The following ADARB1 variants were observed in gnomAD, a reference collection of about 807,000 sequenced individuals.
ADARB1 encodes double-stranded RNA-specific editase 1.
In ADARB1, 10 loss-of-function variants were observed where a neutral mutation model predicts 52.4. That is an observed-to-expected ratio of 0.19 (90% CI 0.12 to 0.32). The LOEUF (loss-of-function observed/expected upper bound fraction) is 0.32. Ranked by LOEUF, ADARB1 falls within the 10% of genes least tolerant of loss-of-function variation. The pLI, the probability that ADARB1 is intolerant of heterozygous loss-of-function variation, is 1.00. For synonymous variants in ADARB1, 349 were observed against 371.1 expected, an observed-to-expected ratio of 0.94 and a Z score of 0.68; for missense variants, 643 against 922.3, an observed-to-expected ratio of 0.70 and a Z score of 3.92.
chr21:45,124,279 C>T (rs1386852913), intron 1 of ADARB1, among the ~76,000 whole-genome samples: 2 of 152,142 alleles, frequency 1.3e-5, no homozygotes, highest in Admixed American at 6.5e-5. Flanking sequence ...CTAGAGAAGC[C>T]ATCTAGTCAT....
At position 45,128,724 on chromosome 21, in the gene ADARB1, ATTTC is replaced by A. The variant is rs2088746491; in HGVS notation, c.-48+153_-48+156del. Among the ~76,000 whole-genome samples, 2 of 152,254 alleles carry A rather than the reference ATTTC, an allele frequency of 1.3e-5. No homozygotes were observed. The highest frequency in any genetic ancestry group is 4.1e-4 in the South Asian group (2 of 4,828). ...ACAGATGATCTGTTACTGTTGGTTG[ATTTC>A]TAATCTTACTGCAGCCTTAGCTCAC... is the stretch of plus-strand genomic sequence containing the variant. On this transcript the variant is annotated intron_variant, in intron 2 of 10. Coordinates refer to ENST00000348831, the MANE Select transcript of ADARB1 (RefSeq NM_001112.4). The surrounding 1 kb of genome is among the most constrained non-coding windows in gnomAD (Gnocchi z 4.6).
intron 1 of ADARB1, among the ~76,000 whole-genome samples, chr21:45,102,587 A>G (rs2087068813): frequency 6.6e-6 from 1 of 152,220 alleles, no homozygotes; most frequent in Non-Finnish European, 1.5e-5. Flanking sequence ...CCACACCCAC[A>G]TCAATGGGTG....
intron 1 of ADARB1, among the ~76,000 whole-genome samples, chr21:45,121,795 C>A (rs1031065919): frequency 1.3e-5 from 2 of 152,180 alleles, no homozygotes; most frequent in African/African-American, 4.8e-5. Context: ...TCTTAGTTTA[C>A]CTGTTTACTA....
Position 45,221,572 on chromosome 21 carries a change from C to T in ADARB1, c.1927-446C>T, listed in dbSNP as rs1005839757. ...AGGTATAGCCAGAAGGGACAGTGCC[C>T]GGGAGGGTCCTGTTCACCAGGGGCA... On this transcript the variant is annotated intron_variant, in intron 10 of 10. Transcript: ENST00000348831. This position sits in a 1 kb window ranked among gnomAD's most constrained non-coding sequence, Gnocchi z 4.9. Among the ~76,000 whole-genome samples, 8 of 152,120 alleles carry T rather than the reference C, an allele frequency of 5.3e-5. 1 individual carries two copies. In the East Asian group the frequency reaches 5.8e-4, roughly 11 times the overall value.
chr21:45,187,274 G>A (rs1195472554), intron 8 of ADARB1, among the ~76,000 whole-genome samples: 1 of 151,844 alleles, frequency 6.6e-6, no homozygotes, highest in African/African-American at 2.4e-5. Context: ...ATTCTTTTTT[G>A]TGCTATTGAA....
In ADARB1 at chr21:45,126,619, C is replaced by G. The variant is rs566043560; in HGVS notation, c.-219-1783C>G. On this transcript the variant is annotated intron_variant, in intron 1 of 10. Coordinates refer to ENST00000348831, the MANE Select transcript of ADARB1 (RefSeq NM_001112.4). ...AGGGGCTGAGTCACTGTTCAAGTCACACGACTGCAAGGCTGAGGTCTAGGG... is the reference window on the plus strand; with the variant it reads ...AGGGGCTGAGTCACTGTTCAAGTCAGACGACTGCAAGGCTGAGGTCTAGGG... Among the ~76,000 whole-genome samples the G allele has an allele frequency of 2.6e-5, 4 of 152,330 alleles. No individual in the cohort carries two copies. The East Asian group carries it at 7.7e-4, about 29-fold the overall frequency.
chr21:45,097,825 GGA>G (rs1440652804), intron 1 of ADARB1, among the ~76,000 whole-genome samples: 1 of 152,164 alleles, frequency 6.6e-6, no homozygotes, highest in Non-Finnish European at 1.5e-5. Context: ...TAAAGGAAAA[GGA>G]GAGTGCCTTT....
chr21:45,104,571 A>G (rs1316143055), intron 1 of ADARB1, among the ~76,000 whole-genome samples: 1 of 152,198 alleles, frequency 6.6e-6, no homozygotes, highest in Non-Finnish European at 1.5e-5. Context: ...TCAAAGGTTG[A>G]GATGAAACTC....
Position 45,222,033 on chromosome 21 carries a change from C to T in ADARB1, c.1942C>T (p.Leu648=), listed in dbSNP as rs982006908. The T allele has an allele frequency of 1.9e-6, 3 of 1,613,774 alleles. No homozygotes were observed. The highest frequency in any genetic ancestry group is 2.5e-6 in the Non-Finnish European group (3 of 1,179,960). The change falls in exon 11 of 11, where the codon CTA becomes TTA. Residue 648 remains leucine (L), a synonymous_variant. Transcript: ENST00000348831. ...RVHGKVPSHL[L]RSKITKPNVY... ...CCCTTCACAGGTTCCCTCCCACTTACTACGCTCCAAGATTACCAAGCCCAA... is the reference window on the plus strand; with the variant it reads ...CCCTTCACAGGTTCCCTCCCACTTATTACGCTCCAAGATTACCAAGCCCAA...
intron 9 of ADARB1, among the ~76,000 whole-genome samples, chr21:45,219,421 G>A (rs539490402): frequency 7.7e-4 from 118 of 152,328 alleles, no homozygotes; most frequent in Middle Eastern, 3.4e-3. Context: ...GTACTTGGGA[G>A]GCAGAGGCAG....
At chr21:45,219,980 C>T (rs2092932822) in intron 9 of ADARB1, among the ~76,000 whole-genome samples, 1 of 136,272 alleles carries the variant, frequency 7.3e-6, no homozygotes, top group Non-Finnish European at 1.5e-5. Context: ...CCTTCTGCCT[C>T]TTGGTAGCCT....
chr21:45,119,445 GTTCTT>G (rs2088023290), intron 1 of ADARB1, among the ~76,000 whole-genome samples: 1 of 152,170 alleles, frequency 6.6e-6, no homozygotes, highest in Non-Finnish European at 1.5e-5. Flanking sequence ...ACCAGTAGCT[GTTCTT>G]GCTCTCCAGT....
intron 9 of ADARB1, among the ~76,000 whole-genome samples, chr21:45,214,210 G>A (rs1322351773): frequency 6.6e-6 from 1 of 152,048 alleles, no homozygotes; most frequent in African/African-American, 2.4e-5. Flanking sequence ...CAAAACTTAT[G>A]CACATTTTTA....
chr21:45,212,060 T>G (rs1353271045), intron 9 of ADARB1, among the ~76,000 whole-genome samples: 2 of 152,244 alleles, frequency 1.3e-5, no homozygotes, highest in Non-Finnish European at 2.9e-5. Context: ...ATCTTATATT[T>G]TTTGTTAATC....
rs2093040846 is a variant in ADARB1, at chr21:45,225,088, G to A, written c.*2891G>A. ...GGCTTCTGTTGTTTTGTTTTGTTTTGTTTTGTTAACTAAACCTGAAGTATT... is the reference window on the plus strand; with the variant it reads ...GGCTTCTGTTGTTTTGTTTTGTTTTATTTTGTTAACTAAACCTGAAGTATT... On this transcript the variant is annotated 3_prime_UTR_variant, in exon 11 of 11. Transcript: ENST00000348831. 4 of 988,896 alleles carry A rather than the reference G, an allele frequency of 4.0e-6. No homozygotes were observed. The East Asian group carries it at 4.4e-4, about 110-fold the overall frequency. The allele number at this position is 988,896 out of a possible 1,614,324, so 61.3% of individuals were successfully genotyped here.
At chr21:45,170,077 T>C (rs2091418648) in intron 2 of ADARB1, among the ~76,000 whole-genome samples, 1 of 152,180 alleles carries the variant, frequency 6.6e-6, no homozygotes, top group Non-Finnish European at 1.5e-5. Flanking sequence ...TATACAAATA[T>C]ACAATTGTAT....
At chr21:45,121,471 C>G (rs547422873) in intron 1 of ADARB1, among the ~76,000 whole-genome samples, 84 of 152,300 alleles carry the variant, frequency 5.5e-4, no homozygotes, top group Middle Eastern at 3.4e-3. Flanking sequence ...CTGACTGTCC[C>G]CCTGTGCTCC....
In ADARB1 at chr21:45,115,109, A is replaced by G. The variant is rs2087758655; in HGVS notation, c.-219-13293A>G. Among the ~76,000 whole-genome samples, 3 of 152,080 alleles carry G rather than the reference A, an allele frequency of 2.0e-5. 1 individual carries two copies. In the South Asian group the frequency reaches 6.2e-4, roughly 32 times the overall value. On this transcript the variant is annotated intron_variant, in intron 1 of 10. Coordinates refer to ENST00000348831, the MANE Select transcript of ADARB1 (RefSeq NM_001112.4). Reference sequence around the variant, plus strand: ...TGTTAAGGGCCCAGGGAAGATTTTAAGGCGACCAAACTTCCAGTGACAAAC... The same window carrying G: ...TGTTAAGGGCCCAGGGAAGATTTTAGGGCGACCAAACTTCCAGTGACAAAC...
intron 1 of ADARB1, among the ~76,000 whole-genome samples, chr21:45,088,335 A>G (rs1047149737): frequency 6.6e-6 from 1 of 152,204 alleles, no homozygotes. Flanking sequence ...GAAGTGGCCA[A>G]AATGGATGGG....
Sources: gnomAD v4.1 joint callset for allele counts (sites outside exome capture counted in the v4.1 genomes callset) on GRCh38, gnomAD v4.1.1 for gene constraint, Gnocchi (gnomAD v3.1) non-coding constraint, MANE v1.5 for transcripts, NCBI Gene and HGNC (gene_info 2026-07-23, HGNC 2026-07-21) for gene names.